Variants in ZNF609 observed in about 807,000 individuals in gnomAD.
ZNF609 encodes zinc finger protein 609.
In ZNF609, 11 loss-of-function variants were observed where a neutral mutation model predicts 109.5. The observed-to-expected ratio is 0.10, with a 90% CI of 0.06 to 0.17. ZNF609 has a LOEUF of 0.17. Among genes scored for constraint, ZNF609 ranks in the 10% least tolerant of loss-of-function variants. ZNF609 has a pLI of 1.00. For synonymous variants in ZNF609, 646 were observed against 662.0 expected (o/e 0.98, Z 0.37); for missense variants, 1,559 against 1,772.4 (o/e 0.88, Z 2.16).
chr15:64,661,617 G>A (rs980528020), intron 3 of ZNF609, among the ~76,000 whole-genome samples: 26 of 152,168 alleles, frequency 1.7e-4, no homozygotes, highest in African/African-American at 5.8e-4. Flanking sequence ...GAATATTCAG[G>A]TACACTTCAT....
In ZNF609 at chr15:64,479,526, T is replaced by A. The variant is rs534290336; in HGVS notation, c.-128+18688T>A. Among the ~76,000 whole-genome samples, 13 of 151,848 alleles carry A rather than the reference T, an allele frequency of 8.6e-5. No homozygotes were observed. The South Asian group carries it at 2.7e-3, about 32-fold the overall frequency. On this transcript the variant is annotated intron_variant, in intron 1 of 9. Coordinates refer to ENST00000326648, the MANE Select transcript of ZNF609 (RefSeq NM_015042.2). ...CAGGATGGTCTCTATCTCCTGACCT[T>A]GTGATCCGCCCATCTCGACCTCCCA...
intron 3 of ZNF609, among the ~76,000 whole-genome samples, chr15:64,645,936 A>G (rs910091918): frequency 1.3e-5 from 2 of 152,204 alleles, no homozygotes; most frequent in Non-Finnish European, 2.9e-5. Flanking sequence ...GTTGGTTGGA[A>G]CATAAAATGA....
intron 2 of ZNF609, among the ~76,000 whole-genome samples, chr15:64,533,112 G>A (rs1326606875): frequency 6.6e-6 from 1 of 151,584 alleles, no homozygotes; most frequent in Non-Finnish European, 1.5e-5. Context: ...GTGCAGTGGC[G>A]CAATCTTGGC....
chr15:64,477,379 A>AT (rs1450087318), intron 1 of ZNF609, among the ~76,000 whole-genome samples: 2 of 151,580 alleles, frequency 1.3e-5, no homozygotes, highest in African/African-American at 2.4e-5. Context: ...TGACCTCGTG[A>AT]TCCGCCGGCC....
At chr15:64,556,235 G>C (rs548172216) in intron 2 of ZNF609, among the ~76,000 whole-genome samples, 17 of 151,832 alleles carry the variant, frequency 1.1e-4, no homozygotes, top group Admixed American at 7.2e-4. Flanking sequence ...GGCTCAAACA[G>C]TCCTCTTGCC....
chr15:64,613,282 G>T (rs1006813835), intron 2 of ZNF609, among the ~76,000 whole-genome samples: 6 of 152,010 alleles, frequency 3.9e-5, no homozygotes, highest in African/African-American at 1.4e-4. Flanking sequence ...AATCACATGA[G>T]CCTGGAAGAC....
At chr15:64,467,062 G>T (rs1328950632) in intron 1 of ZNF609, among the ~76,000 whole-genome samples, 1 of 152,128 alleles carries the variant, frequency 6.6e-6, no homozygotes, top group Non-Finnish European at 1.5e-5. Flanking sequence ...ATTTTTCATG[G>T]TTCTCTTGCT....
chr15:64,592,485 C>A (rs530256505), intron 2 of ZNF609, among the ~76,000 whole-genome samples: 1 of 152,050 alleles, frequency 6.6e-6, no homozygotes, highest in South Asian at 2.1e-4. Flanking sequence ...GGCTAAGGCA[C>A]GAGAATTGCT....
chr15:64,567,432 G>A (rs939022937), intron 2 of ZNF609, among the ~76,000 whole-genome samples: 18 of 149,866 alleles, frequency 1.2e-4, no homozygotes, highest in Non-Finnish European at 1.8e-4. Context: ...CAGTTGAGCC[G>A]AGATCACACC....
At chr15:64,672,113 C>T (rs982248351) in intron 4 of ZNF609, among the ~76,000 whole-genome samples, 13 of 148,108 alleles carry the variant, frequency 8.8e-5, no homozygotes, top group South Asian at 2.1e-4. Flanking sequence ...CCCGGGTTCA[C>T]GCCATTCTCC....
intron 3 of ZNF609, among the ~76,000 whole-genome samples, chr15:64,658,487 G>A (rs1016922807): frequency 2.0e-5 from 3 of 151,930 alleles, no homozygotes; most frequent in East Asian, 3.9e-4. Flanking sequence ...GTGAGCCACC[G>A]CGTCCAGCCT....
intron 1 of ZNF609, among the ~76,000 whole-genome samples, chr15:64,489,520 A>G (rs1595697175): frequency 8.4e-6 from 1 of 119,398 alleles, no homozygotes; most frequent in Admixed American, 1.1e-4. Context: ...TACCATCTCC[A>G]TTATTCACTT....
At chr15:64,463,419 T>A (rs892233327) in intron 1 of ZNF609, among the ~76,000 whole-genome samples, 1 of 151,248 alleles carries the variant, frequency 6.6e-6, no homozygotes, top group Non-Finnish European at 1.5e-5. Context: ...AAAAAAAAAT[T>A]TGGGGCCTGG....
chr15:64,633,829 C>T (rs1264860573), intron 3 of ZNF609, among the ~76,000 whole-genome samples: 1 of 151,030 alleles, frequency 6.6e-6, no homozygotes, highest in Non-Finnish European at 1.5e-5. Context: ...TGCAGTGAGC[C>T]GAGATAGTGC....
intron 2 of ZNF609, among the ~76,000 whole-genome samples, chr15:64,522,454 G>T (rs1893905679): frequency 6.6e-6 from 1 of 152,126 alleles, no homozygotes; most frequent in Non-Finnish European, 1.5e-5. Flanking sequence ...AACTGGTTTG[G>T]CCCTGCTTGG....
At chr15:64,482,932 C>T (rs1893276086) in intron 1 of ZNF609, among the ~76,000 whole-genome samples, 1 of 152,110 alleles carries the variant, frequency 6.6e-6, no homozygotes, top group Non-Finnish European at 1.5e-5. Context: ...TTCTAAAAAC[C>T]TCCAAAAGCT....
intron 1 of ZNF609, among the ~76,000 whole-genome samples, chr15:64,466,487 A>C (rs1355307733): frequency 6.6e-6 from 1 of 152,222 alleles, no homozygotes; most frequent in Non-Finnish European, 1.5e-5. Context: ...TAAAGTTCAG[A>C]AATCTCTTTC....
intron 1 of ZNF609, among the ~76,000 whole-genome samples, chr15:64,480,208 C>T (rs1052838714): frequency 2.0e-5 from 3 of 151,802 alleles, no homozygotes; most frequent in African/African-American, 4.8e-5. Flanking sequence ...CACTGCACTC[C>T]AGCCTGGGCA....
intron 1 of ZNF609, among the ~76,000 whole-genome samples, chr15:64,478,867 A>G (rs890598055): frequency 3.9e-5 from 6 of 152,282 alleles, no homozygotes; most frequent in African/African-American, 1.4e-4. Context: ...TACATAACAT[A>G]TTACTGATAT....
Sources: allele counts gnomAD v4.1 joint callset (sites outside exome capture counted in the v4.1 genomes callset), GRCh38; gene constraint gnomAD v4.1.1; transcripts MANE v1.5; gene names NCBI Gene and HGNC (gene_info 2026-07-23, HGNC 2026-07-21).